The following GSDME variants were observed in gnomAD, a reference collection of about 807,000 sequenced individuals.
The protein encoded by GSDME is gasdermin E.
GSDME carries 44 observed loss-of-function variants against 47.5 expected under a neutral mutation model. The ratio of observed to expected loss-of-function variants is 0.93; its 90% CI spans 0.73 to 1.19. GSDME has a LOEUF of 1.19. GSDME is among the 50% of genes most tolerant of loss of function. The pLI is 0.00. For missense variants in GSDME, 663 were observed against 604.2 expected (o/e 1.10, Z -1.02); for synonymous variants, 258 against 252.8 (o/e 1.02, Z -0.20).
chr7:24,730,809 C>A (rs2721797), intron 3 of GSDME, among the ~76,000 whole-genome samples: 27,440 of 151,976 alleles, frequency 0.18, 2,499 homozygotes, highest in African/African-American at 0.2. Flanking sequence ...CAGAGTGAGA[C>A]TCCGTCTCAA....
chr7:24,731,195 A>G (rs1467828802), intron 3 of GSDME, among the ~76,000 whole-genome samples: 1 of 152,226 alleles, frequency 6.6e-6, no homozygotes, highest in Non-Finnish European at 1.5e-5. Context: ...TGAAGGTCTT[A>G]CTGACATTGC....
chr7:24,770,121 G>C, the GSDME span, among the ~76,000 whole-genome samples: 1 of 152,208 alleles, frequency 6.6e-6, no homozygotes, highest in Non-Finnish European at 1.5e-5. The surrounding 1 kb of genome is among the most constrained non-coding windows in gnomAD (Gnocchi z 4.6). Flanking sequence ...CTACACCCAA[G>C]CCCCAGGGAG....
intron 4 of GSDME, among the ~76,000 whole-genome samples, chr7:24,718,797 T>C (rs1312996618): frequency 7.6e-6 from 1 of 132,008 alleles, no homozygotes; most frequent in Non-Finnish European, 1.6e-5. Flanking sequence ...TGAGAGGGCA[T>C]CAACCCAGGG....
At chr7:24,792,895 T>C in the GSDME span, among the ~76,000 whole-genome samples, 1 of 152,178 alleles carries the variant, frequency 6.6e-6, no homozygotes, top group Non-Finnish European at 1.5e-5. Flanking sequence ...AAAAGACTTT[T>C]AGTTTTGAGG....
chr7:24,738,104 A>G (rs1284523697), intron 3 of GSDME, among the ~76,000 whole-genome samples: 2 of 152,200 alleles, frequency 1.3e-5, no homozygotes, highest in Non-Finnish European at 2.9e-5. Context: ...GTTATTCACC[A>G]TAGTACTCGA....
chr7:24,710,103 C>T lies in GSDME; in HGVS notation c.862+121G>A, dbSNP rs1789285451. ...ACTGGGCCTCGGCGGCATCACCTCT[C>T]TTCTCATATGTTTTCTGTGAGTCAC... On this transcript the variant is annotated intron_variant, in intron 6 of 9. Coordinates refer to ENST00000645220, the MANE Select transcript of GSDME (RefSeq NM_001127453.2). The T allele has an allele frequency of 3.6e-5, 41 of 1,148,934 alleles. No homozygotes were observed. In the South Asian group the frequency reaches 4.4e-4, roughly 12 times the overall value. 71.2% of individuals were successfully genotyped at this position (1,148,934 alleles called of 1,614,324 possible).
Position 24,732,110 on chromosome 7 carries a change from G to A in GSDME, c.404+12452C>T, listed in dbSNP as rs182622963. 4.3e-4 allele frequency among the ~76,000 whole-genome samples: 66 copies of A among 152,322 alleles called. No individual in the cohort carries two copies. Among genetic ancestry groups the A allele is most frequent in the African/African-American group, 1.4e-3 (57 of 41,570 alleles). ...AAAAAGAGAATCAGCGACAGGACCA[G>A]AATCAGGGAACTCATGTTCTCCAAG... On this transcript the variant is annotated intron_variant, in intron 3 of 9. Transcript: ENST00000645220. This position sits in a 1 kb window ranked among gnomAD's most constrained non-coding sequence, Gnocchi z 4.8.
intron 5 of GSDME, chr7:24,715,631 T>G (rs1789523345): frequency 6.0e-6 from 2 of 332,438 alleles, no homozygotes; most frequent in Non-Finnish European, 1.3e-5. Context: ...TAACAGAGAC[T>G]AGAAGAACAA....
the GSDME span, among the ~76,000 whole-genome samples, chr7:24,770,092 A>C: frequency 2.6e-5 from 4 of 152,202 alleles, no homozygotes; most frequent in African/African-American, 9.6e-5. This position sits in a 1 kb window ranked among gnomAD's most constrained non-coding sequence, Gnocchi z 4.6. Context: ...ATGTGATTAG[A>C]GGGTTGGAAC....
the GSDME span, among the ~76,000 whole-genome samples, chr7:24,777,047 T>C: frequency 6.6e-6 from 1 of 152,188 alleles, no homozygotes; most frequent in Admixed American, 6.5e-5. Flanking sequence ...TAATAATTGT[T>C]TATATTTTCT....
chr7:24,702,728 C>A (rs1228661484), intron 9 of GSDME, 32 bp downstream of exon 9: 2 of 1,594,336 alleles, frequency 1.3e-6, no homozygotes, highest in South Asian at 2.2e-5. Context: ...CATTCCTATC[C>A]ATTCTAAGGT....
intron 3 of GSDME, among the ~76,000 whole-genome samples, chr7:24,740,320 G>C (rs1790447202): frequency 1.3e-5 from 2 of 152,086 alleles, no homozygotes; most frequent in South Asian, 4.2e-4. Context: ...TGCGAGGATA[G>C]TTAATGGGTC....
rs778410697 is a variant in GSDME, at chr7:24,717,303, G to A, written c.648C>T (p.Thr216=). The part of the protein sequence containing the change: ...NVVLEIPAAT[T]IAYGVIELYV... ...ATAACTCAATGACACCGTAGGCAAT[G>A]GTGGTGGCAGCTGGGATCTCCAGCA... The change falls in exon 5 of 10, where the codon ACC becomes ACT. Residue 216 remains threonine (T), a synonymous_variant. Coordinates refer to ENST00000645220, the MANE Select transcript of GSDME (RefSeq NM_001127453.2). 3 of 1,611,962 alleles carry A rather than the reference G, an allele frequency of 1.9e-6. No individual in the cohort carries two copies. Among genetic ancestry groups the A allele is most frequent in the African/African-American group, 1.3e-5 (1 of 74,566 alleles).
intron 3 of GSDME, among the ~76,000 whole-genome samples, chr7:24,720,035 C>T (rs1421126434): frequency 1.3e-5 from 2 of 152,128 alleles, no homozygotes; most frequent in Non-Finnish European, 2.9e-5. Flanking sequence ...TAAGAGGAAA[C>T]TTCTTAACCT....
At chr7:24,790,075 C>T in the GSDME span, among the ~76,000 whole-genome samples, 1 of 152,222 alleles carries the variant, frequency 6.6e-6, no homozygotes, top group Non-Finnish European at 1.5e-5. The surrounding 1 kb of genome is among the most constrained non-coding windows in gnomAD (Gnocchi z 4.1). Context: ...TTTGTCATAT[C>T]TCTAACTATG....
the GSDME span, among the ~76,000 whole-genome samples, chr7:24,765,477 C>T: frequency 6.6e-6 from 1 of 152,162 alleles, no homozygotes; most frequent in Non-Finnish European, 1.5e-5. Flanking sequence ...TGTTAGGTTA[C>T]AGTTCAGCCA....
At chr7:24,779,228 A>G in the GSDME span, among the ~76,000 whole-genome samples, 1 of 152,268 alleles carries the variant, frequency 6.6e-6, no homozygotes, top group Non-Finnish European at 1.5e-5. This position sits in a 1 kb window ranked among gnomAD's most constrained non-coding sequence, Gnocchi z 6.0. Flanking sequence ...AGCAGAAGCT[A>G]TGAGTAGAAG....
rs1014394390 is a variant in GSDME, at chr7:24,735,874, G to A, written c.404+8688C>T. On this transcript the variant is annotated intron_variant, in intron 3 of 9. Transcript: ENST00000645220. This position sits in a 1 kb window ranked among gnomAD's most constrained non-coding sequence, Gnocchi z 4.4. ...TAAATAGAAAAAAGGAAAAAGTTAA[G>A]CCGGGGGACAAAGTTAAGGCGTGGA... is the stretch of plus-strand genomic sequence containing the variant. 1.3e-5 allele frequency among the ~76,000 whole-genome samples: 2 copies of A among 151,968 alleles called. No individual in the cohort carries two copies. The highest frequency in any genetic ancestry group is 4.8e-5 in the African/African-American group (2 of 41,410).
chr7:24,769,697 CA>C, the GSDME span, among the ~76,000 whole-genome samples: 1 of 152,172 alleles, frequency 6.6e-6, no homozygotes, highest in African/African-American at 2.4e-5. Context: ...TTTCTCAGTA[CA>C]TCATGTTCAG....
Sources: gnomAD v4.1 joint callset for allele counts (sites outside exome capture counted in the v4.1 genomes callset) on GRCh38, gnomAD v4.1.1 for gene constraint, Gnocchi (gnomAD v3.1) non-coding constraint, MANE v1.5 for transcripts, NCBI Gene and HGNC (gene_info 2026-07-23, HGNC 2026-07-21) for gene names.